PTPN12: variants seen among roughly 807,000 people sequenced by gnomAD.
The protein encoded by PTPN12 is tyrosine-protein phosphatase non-receptor type 12.
PTPN12 carries 29 observed loss-of-function variants against 97.6 expected under a neutral mutation model. The observed-to-expected ratio is 0.30, with a 90% confidence interval of 0.22 to 0.41. The LOEUF (loss-of-function observed/expected upper bound fraction) is 0.41. Ranked by LOEUF, PTPN12 falls within the 10% of genes least tolerant of loss-of-function variation. PTPN12 has a pLI of 1.00. For missense variants in PTPN12, 819 were observed against 926.0 expected, an observed-to-expected ratio of 0.88 and a Z score of 1.50; for synonymous variants, 327 against 300.4, an observed-to-expected ratio of 1.09 and a Z score of -0.91.
At chr7:77,630,052 T>C (rs1039832883) in intron 13 of PTPN12, among the ~76,000 whole-genome samples, 4 of 152,214 alleles carry the variant, frequency 2.6e-5, no homozygotes, top group African/African-American at 9.6e-5. Flanking sequence ...ATACATGTGA[T>C]TTCTGGTTTC....
At chr7:77,637,945 A>ATTTTTTTT (rs754842372) in intron 16 of PTPN12, among the ~76,000 whole-genome samples, 2 of 66,806 alleles carry the variant, frequency 3.0e-5, no homozygotes, top group Non-Finnish European at 5.4e-5. Context: ...ATTTCTTAAA[A>ATTTTTTTT]TTTTTTTTTT....
chr7:77,593,950 C>CTCAT (rs759770545), intron 6 of PTPN12, among the ~76,000 whole-genome samples: 27 of 152,278 alleles, frequency 1.8e-4, no homozygotes, highest in Non-Finnish European at 3.2e-4. Flanking sequence ...CTTAGTTATA[C>CTCAT]TCATGACTTC....
chr7:77,634,959 T>A (rs1174388366), intron 14 of PTPN12, among the ~76,000 whole-genome samples: 2 of 152,168 alleles, frequency 1.3e-5, no homozygotes, highest in Non-Finnish European at 2.9e-5. Flanking sequence ...CAAGCTGTTC[T>A]CCTGCCTCAG....
chr7:77,544,004 T>C (rs1456579293), intron 1 of PTPN12, among the ~76,000 whole-genome samples: 2 of 152,212 alleles, frequency 1.3e-5, no homozygotes, highest in Non-Finnish European at 2.9e-5. Context: ...TGTGGACACA[T>C]TTTCAGGTCT....
At chr7:77,610,280 A>T (rs1284708323) in intron 9 of PTPN12, among the ~76,000 whole-genome samples, 1 of 152,212 alleles carries the variant, frequency 6.6e-6, no homozygotes. Context: ...GAATAAATTC[A>T]GTCTCTTTAT....
At position 77,637,028 on chromosome 7, in the gene PTPN12, C is replaced by T. The variant is rs1457214747; in HGVS notation, c.2153C>T (p.Thr718Ile). 1 of 1,606,990 alleles carries T rather than the reference C, an allele frequency of 6.2e-7. No homozygotes were observed. The highest frequency in any genetic ancestry group is 1.7e-5 in the Admixed American group (1 of 59,850). ...ATGTCTTCCTCGTAGGGCTTGATAACCTCTGAAAATGAGAAATGTGGTAAG... is the reference window on the plus strand; with the variant it reads ...ATGTCTTCCTCGTAGGGCTTGATAATCTCTGAAAATGAGAAATGTGGTAAG... ...SEQKKSEGLI[T>I]SENEKCDHPA... Residue 718 changes from threonine (T) to isoleucine (I), a missense_variant, in exon 16 of 18, where the codon ACC (threonine) becomes ATC (isoleucine). Physicochemically the swap from Thr to Ile is moderately conservative, Grantham distance 89. Transcript: ENST00000248594.
intron 9 of PTPN12, 99 bp from the exon 10 acceptor site, chr7:77,610,666 A>G: frequency 8.1e-7 from 1 of 1,236,444 alleles, no homozygotes; most frequent in East Asian, 2.5e-5. Context: ...TGTTTGCAGT[A>G]AACCAGCAGG....
chr7:77,543,217 A>G (rs1275570992), intron 1 of PTPN12, among the ~76,000 whole-genome samples: 2 of 152,012 alleles, frequency 1.3e-5, no homozygotes, highest in Non-Finnish European at 2.9e-5. Context: ...GGGTTGGGGT[A>G]TGGGAAGAAG....
intron 12 of PTPN12, among the ~76,000 whole-genome samples, chr7:77,625,472 G>GCTTGCGCGCGCTCTCTCTCTCT (rs1554326598): frequency 8.9e-5 from 3 of 33,530 alleles, no homozygotes; most frequent in Admixed American, 5.0e-4. Context: ...CAGGCTGCTC[G>GCTTGCGCGCGCTCTCTCTCTCT]CTCTCTCTCT....
rs137938586 is a variant in PTPN12 at position 77,627,628 on chromosome 7, T to C, written c.1949T>C (p.Ile650Thr). 126 of 1,607,300 alleles carry C rather than the reference T, an allele frequency of 7.8e-5. No homozygotes were observed. The highest frequency in any genetic ancestry group is 9.6e-5 in the Non-Finnish European group (113 of 1,177,196). The change falls in exon 13 of 18, where the codon ATT (isoleucine) becomes ACT (threonine). Residue 650 changes from isoleucine (I) to threonine (T), a missense_variant. By Grantham distance (89) the Ile-to-Thr change is moderately conservative (BLOSUM62 -1). This residue lies in a region of PTPN12 where 607 missense variants were observed against 577.3 expected (regional missense o/e 1.05). Coordinates refer to ENST00000248594, the MANE Select transcript of PTPN12 (RefSeq NM_002835.4). ...ACTAGGAAAGTATTGCCAATGTCCA[T>C]TGCTAGACATAATATAGCAGGAACA... ...ISTRKVLPMS[I>T]ARHNIAGTTH...
chr7:77,561,784 T>TTA (rs1491146146), intron 1 of PTPN12, among the ~76,000 whole-genome samples: 204 of 139,808 alleles, frequency 1.5e-3, no homozygotes, highest in African/African-American at 4.7e-3. Context: ...AATTAATTAA[T>TTA]TTTATTTATT....
In PTPN12 at chr7:77,610,978, G is replaced by A; in HGVS notation, c.871G>A (p.Ala291Thr). 6.2e-7 allele frequency: 1 copy of A among 1,613,160 alleles called. No individual in the cohort carries two copies. Among genetic ancestry groups the A allele is most frequent in the Non-Finnish European group, 8.5e-7 (1 of 1,179,626 alleles). The change falls in exon 11 of 18, where the codon GCC (alanine) becomes ACC (threonine). Residue 291 changes from alanine (A) to threonine (T), a missense_variant. This residue lies in a region of PTPN12 where 607 missense variants were observed against 577.3 expected (regional missense o/e 1.05). Coordinates refer to ENST00000248594, the MANE Select transcript of PTPN12 (RefSeq NM_002835.4). ...EQYELVHRAIAQLFEKQLQLY... is the reference protein window; with the variant it reads ...EQYELVHRAITQLFEKQLQLY... ...ATATGAACTTGTTCATAGAGCTATT[G>A]CCCAACTGTTTGAAAAACAGCTACA...
At chr7:77,585,760 A>C (rs953962938) in intron 5 of PTPN12, among the ~76,000 whole-genome samples, 179 bp downstream of exon 5, 2 of 152,074 alleles carry the variant, frequency 1.3e-5, no homozygotes, top group Non-Finnish European at 2.9e-5. Flanking sequence ...GTTTTCTTTT[A>C]TATTTTGTAA....
At chr7:77,630,694 C>T (rs1413096453) in intron 13 of PTPN12, among the ~76,000 whole-genome samples, 3 of 152,128 alleles carry the variant, frequency 2.0e-5, no homozygotes, top group African/African-American at 4.8e-5. Flanking sequence ...CTAAAAAAAA[C>T]TTTTGCATAA....
intron 12 of PTPN12, among the ~76,000 whole-genome samples, chr7:77,625,472 G>GCTCGCGCTCGCTCTCTCTCTCTCTCTCT: frequency 3.0e-5 from 1 of 33,522 alleles, no homozygotes; most frequent in Non-Finnish European, 5.0e-5. Context: ...CAGGCTGCTC[G>GCTCGCGCTCGCTCTCTCTCTCTCTCTCT]CTCTCTCTCT....
chr7:77,619,704 G>A (rs561204920), intron 12 of PTPN12, among the ~76,000 whole-genome samples: 8 of 152,202 alleles, frequency 5.3e-5, no homozygotes, highest in African/African-American at 1.2e-4. Flanking sequence ...CGTATTCTCC[G>A]TTTTTAAAAA....
In PTPN12 at chr7:77,585,585, T is replaced by C. The variant is rs370001770; in HGVS notation, c.420+4T>C. On this transcript the variant is annotated splice_donor_region_variant and intron_variant, in intron 5 of 17. Coordinates refer to ENST00000248594, the MANE Select transcript of PTPN12 (RefSeq NM_002835.4). ...CCGAGAATTTGAGATGGGAAGGGTATGTATAATCTATTCCTCTTACTATTT... is the reference window on the plus strand; with the variant it reads ...CCGAGAATTTGAGATGGGAAGGGTACGTATAATCTATTCCTCTTACTATTT... 9 of 1,593,906 alleles carry C rather than the reference T, an allele frequency of 5.6e-6. No individual in the cohort carries two copies. Among genetic ancestry groups the C allele is most frequent in the African/African-American group, 1.3e-5 (1 of 74,488 alleles).
chr7:77,616,618 GT>G (rs1246656404), intron 11 of PTPN12, among the ~76,000 whole-genome samples: 4 of 152,248 alleles, frequency 2.6e-5, no homozygotes, highest in African/African-American at 7.2e-5. Flanking sequence ...GAAAAATGCT[GT>G]TTTGTATGTT....
chr7:77,630,694 CTT>C (rs1789369301), intron 13 of PTPN12, among the ~76,000 whole-genome samples: 1 of 152,128 alleles, frequency 6.6e-6, no homozygotes, highest in Non-Finnish European at 1.5e-5. Flanking sequence ...CTAAAAAAAA[CTT>C]TTGCATAAGT....
Sources: gnomAD v4.1 joint callset for allele counts (sites outside exome capture counted in the v4.1 genomes callset) on GRCh38, gnomAD v4.1.1 for gene constraint, gnomAD v4.1.1 regional missense constraint, MANE v1.5 for transcripts, NCBI Gene and HGNC (gene_info 2026-07-23, HGNC 2026-07-21) for gene names.